Variants in RNF32 observed in about 807,000 individuals in gnomAD.
RNF32 encodes ring finger protein 32.
In RNF32, 36 loss-of-function variants were observed where a neutral mutation model predicts 41.0. The ratio of observed to expected loss-of-function variants is 0.88; its 90% CI spans 0.67 to 1.16. The LOEUF (loss-of-function observed/expected upper bound fraction) is 1.16. Ranked by LOEUF, RNF32 falls within the 50% of genes most tolerant of loss-of-function variation. The probability of loss-of-function intolerance (pLI) is 0.00; values close to 1 mark genes in which losing one functional copy is unlikely to be tolerated. For synonymous variants in RNF32, 154 were observed against 160.9 expected, an observed-to-expected ratio of 0.96 and a Z score of 0.32; for missense variants, 413 against 436.7, an observed-to-expected ratio of 0.95 and a Z score of 0.48.
rs576205900 is a variant in RNF32 at position 156,654,671 on chromosome 7, G to A, written c.370G>A (p.Val124Met). The A allele has an allele frequency of 1.2e-5, 19 of 1,614,068 alleles. No homozygotes were observed. Among genetic ancestry groups the A allele is most frequent in the Middle Eastern group, 1.7e-4 (1 of 6,060 alleles). The change falls in exon 4 of 9, where the codon GTG becomes ATG. Residue 124 changes from valine to methionine, a missense_variant. Coordinates refer to ENST00000317955, the MANE Select transcript of RNF32 (RefSeq NM_030936.4). ...KQRSLLQGDS[V>M]QPCPICKEEF... is the part of the protein sequence containing the mutation. ...GCGCTCTCTCCTGCAAGGGGACTCC[G>A]TGCAACCATGCCCCATCTGTAAAGA...
At chr7:156,646,364 T>A (rs745861194) in intron 3 of RNF32, 6 of 1,246,952 alleles carry the variant, frequency 4.8e-6, no homozygotes, top group Non-Finnish European at 6.4e-6. Flanking sequence ...TTGCTTAGCT[T>A]GTGGCAGCGT....
At chr7:156,659,582 T>G in intron 7 of RNF32, 2 of 962,996 alleles carry the variant, frequency 2.1e-6, no homozygotes, top group Non-Finnish European at 2.5e-6. Flanking sequence ...TCACCTCTTA[T>G]ACAATTTTAA....
intron 3 of RNF32, among the ~76,000 whole-genome samples, chr7:156,647,456 CT>C (rs1480495404): frequency 2.0e-5 from 3 of 152,034 alleles, no homozygotes; most frequent in Non-Finnish European, 4.4e-5. Context: ...ACATGAGTTA[CT>C]TCACTTGGAA....
In RNF32 at chr7:156,661,146, C is replaced by T. The variant is rs151256104; in HGVS notation, c.684+2576C>T. ...TTGGTTTCTTACTGCCTCAGACTGC[C>T]GTCAGCCTTATCACTTTTAAAGGAA... On this transcript the variant is annotated intron_variant, in intron 7 of 8. Transcript: ENST00000317955. 2.8e-3 allele frequency among the ~76,000 whole-genome samples: 431 copies of T among 152,278 alleles called. 2 individuals carry two copies. The highest frequency in any genetic ancestry group is 8.9e-3 in the African/African-American group (370 of 41,552).
intron 7 of RNF32, among the ~76,000 whole-genome samples, chr7:156,664,081 A>C (rs1365890319): frequency 1.3e-5 from 2 of 152,230 alleles, no homozygotes; most frequent in Non-Finnish European, 2.9e-5. Flanking sequence ...GCGGGGAGAG[A>C]GCCTGGATCT....
At chr7:156,648,916 T>C (rs1343057883) in intron 3 of RNF32, among the ~76,000 whole-genome samples, 2 of 152,228 alleles carry the variant, frequency 1.3e-5, no homozygotes, top group Admixed American at 6.5e-5. Flanking sequence ...TTAGATATAC[T>C]TCACCATTCT....
At chr7:156,658,678 G>C (rs1275867008) in intron 7 of RNF32, 108 bp downstream of exon 7, 4 of 826,684 alleles carry the variant, frequency 4.8e-6, no homozygotes, top group South Asian at 3.4e-5. Flanking sequence ...ACTTCACTTT[G>C]AGGGCTTTTT....
chr7:156,661,988 A>C (rs2131546461), intron 7 of RNF32, among the ~76,000 whole-genome samples: 1 of 152,352 alleles, frequency 6.6e-6, no homozygotes, highest in Non-Finnish European at 1.5e-5. Flanking sequence ...TGTTACATGA[A>C]TAGGGATCCT....
upstream of RNF32, chr7:156,640,447 C>T (rs1797125501): frequency 2.7e-6 from 1 of 370,234 alleles, no homozygotes; most frequent in East Asian, 9.5e-5. Flanking sequence ...GGCGCCTGCA[C>T]GCCCCCGTGC....
At chr7:156,642,723 T>C in intron 1 of RNF32, among the ~76,000 whole-genome samples, 1 of 152,240 alleles carries the variant, frequency 6.6e-6, no homozygotes, top group Non-Finnish European at 1.5e-5. Flanking sequence ...ACACTCACAC[T>C]CACTCAGACG....
chr7:156,658,001 C>G (rs1368614092), intron 5 of RNF32, 127 bp from the exon 6 acceptor site: 2 of 955,276 alleles, frequency 2.1e-6, no homozygotes, highest in East Asian at 2.4e-5. Context: ...ACTTTATAAC[C>G]TAAATTGGGC....
At chr7:156,659,171 G>A in intron 7 of RNF32, 1 of 1,194,238 alleles carries the variant, frequency 8.4e-7, no homozygotes, top group Middle Eastern at 3.4e-4. Flanking sequence ...GTGGCTTCAG[G>A]CAAACAGCAG....
intron 8 of RNF32, 147 bp from the exon 9 acceptor site, chr7:156,676,272 A>C (rs1311453353): frequency 5.2e-6 from 8 of 1,553,306 alleles, no homozygotes; most frequent in Non-Finnish European, 6.1e-6. Flanking sequence ...TATATAAATA[A>C]AATGCATGTG....
chr7:156,660,337 T>C (rs1800442302), intron 7 of RNF32: 1 of 965,478 alleles, frequency 1.0e-6, no homozygotes, highest in Non-Finnish European at 1.2e-6. Context: ...AACAGAAGTA[T>C]GAATGCTATT....
At chr7:156,667,706 G>A (rs1801557933) in intron 7 of RNF32, among the ~76,000 whole-genome samples, 1 of 152,120 alleles carries the variant, frequency 6.6e-6, no homozygotes, top group Admixed American at 6.5e-5. Context: ...AATAGTAGCT[G>A]CCCATAGGAT....
At position 156,675,679 on chromosome 7, in the gene RNF32, C is replaced by A. The variant is rs575702477; in HGVS notation, c.685-17C>A. 4 of 1,596,650 alleles carry A rather than the reference C, an allele frequency of 2.5e-6. No individual in the cohort carries two copies. Among genetic ancestry groups the A allele is most frequent in the African/African-American group, 2.7e-5 (2 of 74,698 alleles). ...CGAGCTCAGGTGTGAGCTTACCCGCCCCCGCCTCCTCCTCAGTTCACAGAA... is the reference window on the plus strand; with the variant it reads ...CGAGCTCAGGTGTGAGCTTACCCGCACCCGCCTCCTCCTCAGTTCACAGAA... On this transcript the variant is annotated splice_polypyrimidine_tract_variant and intron_variant, in intron 7 of 8. Coordinates refer to ENST00000317955, the MANE Select transcript of RNF32 (RefSeq NM_030936.4).
intron 4 of RNF32, 78 bp from the exon 5 acceptor site, chr7:156,657,463 C>G: frequency 7.5e-7 from 1 of 1,333,884 alleles, no homozygotes; most frequent in Non-Finnish European, 1.1e-6. Flanking sequence ...ACCTTCTAAG[C>G]ATTCAGGATT....
chr7:156,651,997 G>A (rs1364447389), intron 3 of RNF32, among the ~76,000 whole-genome samples: 1 of 152,018 alleles, frequency 6.6e-6, no homozygotes, highest in Non-Finnish European at 1.5e-5. Flanking sequence ...ACCTCATGGC[G>A]GCCTCCTCCT....
At chr7:156,675,960 G>GGGA in intron 8 of RNF32, 97 bp downstream of exon 8, 1 of 1,310,636 alleles carries the variant, frequency 7.6e-7, no homozygotes, top group Non-Finnish European at 1.1e-6. Context: ...ACTCACTTTG[G>GGGA]GGAGCCTAGG....
Sources: allele counts gnomAD v4.1 joint callset (sites outside exome capture counted in the v4.1 genomes callset), GRCh38; gene constraint gnomAD v4.1.1; transcripts MANE v1.5; gene names NCBI Gene and HGNC (gene_info 2026-07-23, HGNC 2026-07-21).